TTC28: variants seen among roughly 807,000 people sequenced by gnomAD.
TTC28 encodes tetratricopeptide repeat domain 28.
A neutral mutation model predicts 198.0 loss-of-function variants in TTC28; 61 were observed. The ratio of observed to expected loss-of-function variants is 0.31; its 90% CI spans 0.25 to 0.38. The LOEUF (loss-of-function observed/expected upper bound fraction) is 0.38, where lower values mean the gene tolerates loss of function less well. TTC28 is among the 10% of genes least tolerant of loss of function. The probability of loss-of-function intolerance (pLI) is 1.00; values close to 1 mark genes in which losing one functional copy is unlikely to be tolerated. For missense variants in TTC28, 2,678 were observed against 3,164.0 expected (o/e 0.85, Z 3.69); for synonymous variants, 1,171 against 1,297.8 (o/e 0.90, Z 2.10).
intron 2 of TTC28, among the ~76,000 whole-genome samples, chr22:28,403,448 G>A (rs7288416): frequency 0.27 from 40,755 of 152,084 alleles, 6,829 homozygotes; most frequent in South Asian, 0.39. Flanking sequence ...CAATTGCCCT[G>A]CACCCTTGTT....
intron 2 of TTC28, among the ~76,000 whole-genome samples, chr22:28,482,365 C>T (rs1568971955): frequency 6.6e-6 from 1 of 151,810 alleles, no homozygotes; most frequent in Admixed American, 6.6e-5. Context: ...GCGCCCTACA[C>T]GCCCAGGTAA....
In TTC28 at chr22:28,399,505, C is replaced by T. The variant is rs1389361129; in HGVS notation, c.382-92862G>A. On this transcript the variant is annotated intron_variant, in intron 2 of 22. Transcript: ENST00000397906. ...CTGGCTAGTTTTTTTTCAGTAGAAA[C>T]GAGGTGCCTGGGCTGTTCTCAAACT... Among the ~76,000 whole-genome samples the T allele has an allele frequency of 3.3e-5, 5 of 151,710 alleles. No homozygotes were observed. The East Asian group carries it at 7.8e-4, about 24-fold the overall frequency.
chr22:28,163,058 T>C, intron 6 of TTC28, 34 bp downstream of exon 6: 5 of 1,506,196 alleles, frequency 3.3e-6, no homozygotes, highest in Non-Finnish European at 4.4e-6. Flanking sequence ...CTCATGACTT[T>C]GACCTGGGCT....
At chr22:27,999,607 T>C (rs1025218445) in intron 15 of TTC28, 3 of 241,426 alleles carry the variant, frequency 1.2e-5, no homozygotes, top group Non-Finnish European at 2.4e-5. Context: ...CAGACCTTCA[T>C]GTGTGGCTCC....
chr22:27,983,983 C>A, intron 22 of TTC28, 132 bp from the exon 23 acceptor site: 1 of 980,152 alleles, frequency 1.0e-6, no homozygotes, highest in South Asian at 1.8e-5. Context: ...TCATATTAAT[C>A]TTACAATCCT....
intron 12 of TTC28, among the ~76,000 whole-genome samples, chr22:28,036,549 G>A (rs1368502376): frequency 6.6e-6 from 1 of 152,154 alleles, no homozygotes; most frequent in Non-Finnish European, 1.5e-5. Context: ...AGCACTAAAT[G>A]CCCACAAGAG....
chr22:28,075,645 T>C (rs12168180), intron 12 of TTC28, among the ~76,000 whole-genome samples: 10,818 of 152,300 alleles, frequency 0.071, 437 homozygotes, highest in South Asian at 0.09. Flanking sequence ...ACAGACTATC[T>C]TCCTCCTGCA....
intron 5 of TTC28, among the ~76,000 whole-genome samples, chr22:28,182,156 G>C (rs1001718883): frequency 6.6e-6 from 1 of 152,092 alleles, no homozygotes; most frequent in Non-Finnish European, 1.5e-5. Flanking sequence ...TTACTTGGGG[G>C]AAGTGGAGGG....
chr22:28,127,846 C>T (rs1416732318), intron 6 of TTC28, among the ~76,000 whole-genome samples: 1 of 151,522 alleles, frequency 6.6e-6, no homozygotes. Context: ...TGCCTCAGCC[C>T]CTCTCCAAGT....
chr22:28,503,706 A>G (rs2146373472), intron 2 of TTC28, among the ~76,000 whole-genome samples: 1 of 152,360 alleles, frequency 6.6e-6, no homozygotes, highest in Non-Finnish European at 1.5e-5. Flanking sequence ...TTAGCTAAGA[A>G]CTTTAACGCA....
At chr22:28,540,030 C>T (rs1369830679) in intron 2 of TTC28, among the ~76,000 whole-genome samples, 1 of 150,318 alleles carries the variant, frequency 6.7e-6, no homozygotes, top group African/African-American at 2.4e-5. Flanking sequence ...CTGCAAGTTC[C>T]GCCTCCTGGG....
chr22:28,620,301 G>A (rs1228572484), intron 2 of TTC28, among the ~76,000 whole-genome samples: 2 of 150,456 alleles, frequency 1.3e-5, no homozygotes, highest in East Asian at 2.0e-4. Context: ...AGTGAGCTGA[G>A]TCTCTGCCAC....
chr22:28,401,198 A>T (rs1045689542), intron 2 of TTC28, among the ~76,000 whole-genome samples: 2 of 151,870 alleles, frequency 1.3e-5, no homozygotes, highest in African/African-American at 4.8e-5. Flanking sequence ...GGGGGGGAGG[A>T]GGAGGAGGAT....
intron 2 of TTC28, among the ~76,000 whole-genome samples, chr22:28,495,983 C>T (rs903311206): frequency 3.9e-5 from 6 of 152,130 alleles, no homozygotes; most frequent in East Asian, 1.9e-4. Flanking sequence ...ATCCTCAGTT[C>T]TCATATTAAC....
intron 2 of TTC28, among the ~76,000 whole-genome samples, chr22:28,597,251 G>A (rs2050556733): frequency 6.6e-6 from 1 of 152,062 alleles, no homozygotes; most frequent in African/African-American, 2.4e-5. Context: ...GTGGTGTTAA[G>A]TATATTAACA....
chr22:28,450,347 T>A (rs1185110637), intron 2 of TTC28, among the ~76,000 whole-genome samples: 2 of 152,208 alleles, frequency 1.3e-5, no homozygotes, highest in Non-Finnish European at 2.9e-5. Flanking sequence ...ACCAGTTTCC[T>A]GAGGCAGCAA....
intron 2 of TTC28, among the ~76,000 whole-genome samples, chr22:28,557,632 C>CA (rs2049806547): frequency 1.3e-5 from 2 of 152,186 alleles, no homozygotes; most frequent in Admixed American, 6.5e-5. Context: ...CTGATCCCTT[C>CA]AATATCTTAA....
chr22:28,623,313 G>A (rs936706806), intron 2 of TTC28, among the ~76,000 whole-genome samples: 11 of 151,992 alleles, frequency 7.2e-5, no homozygotes, highest in African/African-American at 2.4e-4. Context: ...ATTGCATAAC[G>A]GTAAAAGGAT....
intron 2 of TTC28, among the ~76,000 whole-genome samples, chr22:28,442,549 C>T (rs562570888): frequency 1.3e-5 from 2 of 152,374 alleles, no homozygotes; most frequent in South Asian, 4.1e-4. Context: ...CCCCACGCCC[C>T]GCCATGGGGC....
Sources: gnomAD v4.1 joint callset for allele counts (sites outside exome capture counted in the v4.1 genomes callset) on GRCh38, gnomAD v4.1.1 for gene constraint, MANE v1.5 for transcripts, NCBI Gene and HGNC (gene_info 2026-07-23, HGNC 2026-07-21) for gene names.